Variants in TRANK1 observed in about 807,000 individuals in gnomAD.
The protein encoded by TRANK1 is TPR and ankyrin repeat-containing protein 1.
TRANK1 carries 198 observed loss-of-function variants against 266.0 expected under a neutral mutation model. The observed-to-expected ratio is 0.74, with a 90% CI of 0.66 to 0.84. The LOEUF (loss-of-function observed/expected upper bound fraction) is 0.84, where lower values mean the gene tolerates loss of function less well. TRANK1 is among the 40% of genes least tolerant of loss of function. The pLI, the probability that TRANK1 is intolerant of heterozygous loss-of-function variation, is 0.00. For synonymous variants in TRANK1, 1,396 were observed against 1,384.1 expected, an observed-to-expected ratio of 1.01 and a Z score of -0.19; for missense variants, 3,326 against 3,634.6, an observed-to-expected ratio of 0.92 and a Z score of 2.18.
intron 10 of TRANK1, 65 bp downstream of exon 10, chr3:36,864,254 T>C: frequency 7.1e-7 from 1 of 1,409,950 alleles, no homozygotes; most frequent in Admixed American, 2.9e-5. Flanking sequence ...TGAACAGATA[T>C]TAGAAAAGAA....
chr3:36,887,242 T>C (rs1004525333), intron 8 of TRANK1, among the ~76,000 whole-genome samples: 3 of 152,242 alleles, frequency 2.0e-5, no homozygotes, highest in Non-Finnish European at 2.9e-5. Flanking sequence ...CACAGTGGTA[T>C]GCTAAGACCC....
chr3:36,842,733 G>A (rs1475675448), intron 17 of TRANK1, 23 bp from the exon 18 acceptor site: 1 of 1,602,840 alleles, frequency 6.2e-7, no homozygotes, highest in South Asian at 1.1e-5. Context: ...AGAAAAGTGT[G>A]TTTGCTTCTC....
chr3:36,848,185 T>A (rs1054440579), intron 15 of TRANK1, among the ~76,000 whole-genome samples: 1 of 152,212 alleles, frequency 6.6e-6, no homozygotes, highest in African/African-American at 2.4e-5. Context: ...AATGAGTGTG[T>A]CATGTTCCAA....
At chr3:36,943,096 G>A (rs562384865) in intron 1 of TRANK1, among the ~76,000 whole-genome samples, 14 of 151,986 alleles carry the variant, frequency 9.2e-5, no homozygotes, top group Non-Finnish European at 1.9e-4. Context: ...GGAGGCTGCG[G>A]CAGGAGAATC....
chr3:36,941,605 G>C (rs1445587531), intron 1 of TRANK1, among the ~76,000 whole-genome samples: 1 of 138,750 alleles, frequency 7.2e-6, no homozygotes, highest in Non-Finnish European at 1.6e-5. Context: ...GACCAAAGGA[G>C]TAATCACTCT....
chr3:36,882,780 G>T (rs932228926), intron 8 of TRANK1, among the ~76,000 whole-genome samples: 2 of 151,930 alleles, frequency 1.3e-5, no homozygotes, highest in African/African-American at 4.8e-5. Context: ...TAAAAATTGA[G>T]GACAAAGGAC....
At chr3:36,896,926 G>A (rs4425210) in intron 4 of TRANK1, among the ~76,000 whole-genome samples, 48,763 of 150,924 alleles carry the variant, frequency 0.32, 8,666 homozygotes, top group East Asian at 0.57. Flanking sequence ...CCCAGGAGTC[G>A]GAGGTTGCAG....
chr3:36,869,486 C>T (rs1286663414), intron 9 of TRANK1, among the ~76,000 whole-genome samples: 1 of 152,180 alleles, frequency 6.6e-6, no homozygotes, highest in Non-Finnish European at 1.5e-5. Flanking sequence ...GTGCTCAGGA[C>T]CATAGATGCA....
intron 8 of TRANK1, among the ~76,000 whole-genome samples, chr3:36,882,162 T>A (rs2079541205): frequency 6.6e-6 from 1 of 152,228 alleles, no homozygotes; most frequent in South Asian, 2.1e-4. Flanking sequence ...TGTCAAACTG[T>A]TTTCCAAAGC....
At chr3:36,830,724 G>C (rs1028088391) in intron 22 of TRANK1, 149 bp downstream of exon 22, 3 of 926,032 alleles carry the variant, frequency 3.2e-6, no homozygotes, top group Non-Finnish European at 4.6e-6. Context: ...GCTATAACTT[G>C]AGAATATATA....
At chr3:36,936,078 C>T (rs911649407) in intron 1 of TRANK1, among the ~76,000 whole-genome samples, 2 of 152,128 alleles carry the variant, frequency 1.3e-5, no homozygotes, top group African/African-American at 4.8e-5. Context: ...AACATATCCC[C>T]GTGAGCAATT....
rs1284774571 is a variant in TRANK1, at chr3:36,832,527, G to A, written c.7056C>T (p.His2352=). The part of the protein sequence containing the change: ...NYPEEFEKLL[H]QEEDNYNREL... ...CCCTGTTGTAGTTGTCCTCCTCCTG[G>A]TGGAGCAGCTTTTCAAACTCCTCCG... is the stretch of plus-strand genomic sequence containing the variant. The change falls in exon 22 of 24, where the codon CAC becomes CAT. Residue 2352 remains histidine, a synonymous_variant. Transcript: ENST00000645898. 2.7e-5 allele frequency: 44 copies of A among 1,613,742 alleles called. No homozygotes were observed. In the Admixed American group the frequency reaches 7.3e-4, roughly 27 times the overall value.
intron 5 of TRANK1, among the ~76,000 whole-genome samples, chr3:36,895,197 C>T (rs1244727366): frequency 6.6e-6 from 1 of 152,212 alleles, no homozygotes; most frequent in African/African-American, 2.4e-5. Context: ...TCCATGGATT[C>T]CTGGCCCTGG....
chr3:36,861,765 G>A (rs2079146123), intron 10 of TRANK1, among the ~76,000 whole-genome samples: 1 of 147,376 alleles, frequency 6.8e-6, no homozygotes, highest in Non-Finnish European at 1.5e-5. Flanking sequence ...GAATACAGTG[G>A]CGCGATCTCG....
chr3:36,843,310 T>C (rs1461293047), intron 17 of TRANK1, among the ~76,000 whole-genome samples: 1 of 152,158 alleles, frequency 6.6e-6, no homozygotes, highest in African/African-American at 2.4e-5. Flanking sequence ...TTTCCTATTC[T>C]ATGGCTACAA....
Position 36,838,630 on chromosome 3 carries a change from G to C in TRANK1, c.5367C>G (p.Ser1789=), listed in dbSNP as rs1280445504. ...ACTCTTACTTGGGGCTGACTTTCTTGGATTTCATGCTCAGGGCAGTGTCAT... is the reference window on the plus strand; with the variant it reads ...ACTCTTACTTGGGGCTGACTTTCTTCGATTTCATGCTCAGGGCAGTGTCAT... ...LAHDTALSMK[S]KKVSPKEKQL... The change falls in exon 19 of 24, where the codon TCC becomes TCG. Residue 1789 remains serine, a synonymous_variant. Coordinates refer to ENST00000645898, the MANE Select transcript of TRANK1 (RefSeq NM_001329998.2). The C allele has an allele frequency of 1.2e-6, 2 of 1,613,828 alleles. No individual in the cohort carries two copies. The highest frequency in any genetic ancestry group is 3.3e-5 in the Admixed American group (2 of 60,006).
chr3:36,888,434 T>C (rs1463272731), intron 8 of TRANK1, among the ~76,000 whole-genome samples: 1 of 152,162 alleles, frequency 6.6e-6, no homozygotes, highest in African/African-American at 2.4e-5. Context: ...TCTGAATAGA[T>C]CAAAAAGCAT....
intron 10 of TRANK1, among the ~76,000 whole-genome samples, chr3:36,864,033 G>C (rs1049976710): frequency 1.3e-5 from 2 of 152,120 alleles, no homozygotes; most frequent in Non-Finnish European, 2.9e-5. Context: ...CTACAGAAGA[G>C]AGAAATATCT....
chr3:36,883,775 C>A (rs1005054993), intron 8 of TRANK1, among the ~76,000 whole-genome samples: 3 of 152,054 alleles, frequency 2.0e-5, no homozygotes, highest in Non-Finnish European at 4.4e-5. Flanking sequence ...ATTTCACATG[C>A]CCTTCATATA....
Sources: allele counts gnomAD v4.1 joint callset (sites outside exome capture counted in the v4.1 genomes callset), GRCh38; gene constraint gnomAD v4.1.1; transcripts MANE v1.5; gene names NCBI Gene and HGNC (gene_info 2026-07-23, HGNC 2026-07-21).